RORA: variants seen among roughly 807,000 people sequenced by gnomAD.
RORA encodes RAR related orphan receptor A.
RORA carries 7 observed loss-of-function variants against 69.5 expected under a neutral mutation model. The ratio of observed to expected loss-of-function variants is 0.10; its 90% CI spans 0.06 to 0.19. The LOEUF (loss-of-function observed/expected upper bound fraction) is 0.19. Among genes scored for constraint, RORA ranks in the 10% least tolerant of loss-of-function variants. The probability of loss-of-function intolerance (pLI) is 1.00; values close to 1 mark genes in which losing one functional copy is unlikely to be tolerated. For synonymous variants in RORA, 261 were observed against 240.8 expected (o/e 1.08, Z -0.78); for missense variants, 457 against 663.0 (o/e 0.69, Z 3.41).
intron 1 of RORA, among the ~76,000 whole-genome samples, chr15:61,140,853 G>A (rs929674014): frequency 1.3e-5 from 2 of 152,074 alleles, no homozygotes; most frequent in African/African-American, 2.4e-5. Context: ...TTGTGTTGAC[G>A]TGTGAGCTGC....
intron 1 of RORA, among the ~76,000 whole-genome samples, chr15:61,063,922 C>G (rs2078221270): frequency 6.6e-6 from 1 of 152,188 alleles, no homozygotes; most frequent in Admixed American, 6.5e-5. Context: ...AGTTCTTGTC[C>G]TGGTGCTGAA....
At chr15:61,210,056 CTG>C (rs1283013760) in intron 1 of RORA, among the ~76,000 whole-genome samples, 1 of 152,212 alleles carries the variant, frequency 6.6e-6, no homozygotes, top group Non-Finnish European at 1.5e-5. Flanking sequence ...TTTCAGGTCT[CTG>C]TGTGTACAGG....
intron 1 of RORA, among the ~76,000 whole-genome samples, chr15:60,896,250 G>A (rs867960703): frequency 1.1e-4 from 17 of 152,208 alleles, no homozygotes; most frequent in Admixed American, 8.5e-4. Context: ...ACTCTTCTTT[G>A]TCTGCCCAAG....
intron 1 of RORA, among the ~76,000 whole-genome samples, chr15:60,843,175 G>A (rs139334021): frequency 6.6e-6 from 1 of 152,264 alleles, no homozygotes; most frequent in African/African-American, 2.4e-5. Context: ...GGGCCACTTG[G>A]TGATTTGTTT....
chr15:61,088,912 G>A (rs563535586), intron 1 of RORA, among the ~76,000 whole-genome samples: 9 of 152,256 alleles, frequency 5.9e-5, no homozygotes, highest in African/African-American at 2.2e-4. Context: ...TCACCATGCA[G>A]GTGAGAAACA....
intron 10 of RORA, among the ~76,000 whole-genome samples, chr15:60,499,335 C>T (rs373996956): frequency 6.6e-6 from 1 of 152,060 alleles, no homozygotes; most frequent in South Asian, 2.1e-4. Context: ...AGTTCGAGAC[C>T]AGCCTGGGCA....
At chr15:60,957,357 G>A (rs760501304) in intron 1 of RORA, among the ~76,000 whole-genome samples, 1 of 152,196 alleles carries the variant, frequency 6.6e-6, no homozygotes, top group Admixed American at 6.5e-5. Context: ...AGAAAGGCAG[G>A]TGAGGACTCC....
intron 1 of RORA, among the ~76,000 whole-genome samples, chr15:61,002,892 G>A (rs1228443853): frequency 2.0e-5 from 3 of 150,192 alleles, no homozygotes; most frequent in African/African-American, 7.4e-5. Context: ...AGCACTTTGG[G>A]AAGAAGAGGC....
At chr15:60,666,672 G>A (rs1304162626) in intron 2 of RORA, among the ~76,000 whole-genome samples, 1 of 152,144 alleles carries the variant, frequency 6.6e-6, no homozygotes, top group Non-Finnish European at 1.5e-5. Flanking sequence ...GACTTTATAG[G>A]TGCAGAAGAT....
intron 2 of RORA, among the ~76,000 whole-genome samples, chr15:60,550,121 T>C (rs896224843): frequency 6.6e-6 from 1 of 152,130 alleles, no homozygotes; most frequent in African/African-American, 2.4e-5. Flanking sequence ...TGAAATCCCA[T>C]CTCTACTAAA....
chr15:60,827,197 C>G (rs1159189863), intron 1 of RORA, among the ~76,000 whole-genome samples: 1 of 152,140 alleles, frequency 6.6e-6, no homozygotes, highest in African/African-American at 2.4e-5. Context: ...GGGAGAAATT[C>G]TTTTTTCTTT....
rs142171523 is a variant in RORA, at chr15:60,888,881, G to A, written c.167-210195C>T. On this transcript the variant is annotated intron_variant, in intron 1 of 10. Transcript: ENST00000335670. ...GCAGAGAGATCTGACCAGGGGATGG[G>A]CAGAGGGAGCCTCACACATTCCTGC... is the stretch of plus-strand genomic sequence containing the variant. 6.8e-3 allele frequency among the ~76,000 whole-genome samples: 992 copies of A among 145,176 alleles called. 9 individuals are homozygous for A. Among genetic ancestry groups the A allele is most frequent in the African/African-American group, 0.024 (956 of 39,766 alleles).
chr15:60,593,144 G>C (rs984082733), intron 2 of RORA: 1 of 304,050 alleles, frequency 3.3e-6, no homozygotes, highest in Admixed American at 4.9e-5. Flanking sequence ...CTGGGCGGGG[G>C]AACTCCGCCC....
At chr15:61,158,104 T>C (rs2079461588) in intron 1 of RORA, among the ~76,000 whole-genome samples, 1 of 152,194 alleles carries the variant, frequency 6.6e-6, no homozygotes, top group Admixed American at 6.5e-5. Flanking sequence ...CTGTGACCAC[T>C]ATCCCAAATG....
At chr15:60,682,246 T>A (rs1017321026) in intron 1 of RORA, 1 of 152,222 alleles carries the variant, frequency 6.6e-6, no homozygotes, top group African/African-American at 2.4e-5. Context: ...GCAACTCACA[T>A]AGTATTAGTT....
intron 1 of RORA, among the ~76,000 whole-genome samples, chr15:61,091,906 A>G (rs980603001): frequency 6.6e-6 from 1 of 152,220 alleles, no homozygotes; most frequent in African/African-American, 2.4e-5. Context: ...TTGTTTCTAC[A>G]ATGGCATATG....
At chr15:60,634,154 C>G (rs906304138) in intron 2 of RORA, among the ~76,000 whole-genome samples, 1 of 152,136 alleles carries the variant, frequency 6.6e-6, no homozygotes, top group Non-Finnish European at 1.5e-5. Context: ...TTATGTTTTT[C>G]TGTAATGATG....
chr15:61,048,847 AC>A (rs902321075), intron 1 of RORA, among the ~76,000 whole-genome samples: 1 of 152,072 alleles, frequency 6.6e-6, no homozygotes, highest in African/African-American at 2.4e-5. Flanking sequence ...GTCAAGACTT[AC>A]TTTTGGCCTC....
chr15:60,787,611 C>T (rs1328218498), intron 1 of RORA, among the ~76,000 whole-genome samples: 2 of 152,208 alleles, frequency 1.3e-5, no homozygotes, highest in African/African-American at 2.4e-5. Context: ...AAAGGCCAGG[C>T]CCTGTGAGAG....
Sources: gnomAD v4.1 joint callset for allele counts (sites outside exome capture counted in the v4.1 genomes callset) on GRCh38, gnomAD v4.1.1 for gene constraint, MANE v1.5 for transcripts, NCBI Gene and HGNC (gene_info 2026-07-23, HGNC 2026-07-21) for gene names.